Variants in LAP3 observed in about 807,000 individuals in gnomAD.
The protein encoded by LAP3 is leucine aminopeptidase 3, also known as cytosol aminopeptidase.
LAP3 carries 46 observed loss-of-function variants against 58.8 expected under a neutral mutation model. That is an observed-to-expected ratio of 0.78 (90% CI 0.62 to 1.00). The LOEUF (loss-of-function observed/expected upper bound fraction) is 1.00. LAP3 is among the 50% of genes least tolerant of loss of function. LAP3 has a pLI of 0.00. For missense variants in LAP3, 615 were observed against 659.1 expected, an observed-to-expected ratio of 0.93 and a Z score of 0.73; for synonymous variants, 257 against 237.7, an observed-to-expected ratio of 1.08 and a Z score of -0.75.
rs769189396 is a variant in LAP3 at position 17,584,938 on chromosome 4, T to G, written c.540-34T>G. ...GCAGGCAGTCAGCGTTCTTGAGAGGTTGTTTGACAGTCACTTTATCTTTCT... is the reference window on the plus strand; with the variant it reads ...GCAGGCAGTCAGCGTTCTTGAGAGGGTGTTTGACAGTCACTTTATCTTTCT... On this transcript the variant is annotated intron_variant, in intron 5 of 12. Transcript: ENST00000226299. 9.3e-6 allele frequency: 15 copies of G among 1,605,690 alleles called. No homozygotes were observed. The African/African-American group carries it at 1.7e-4, about 19-fold the overall frequency.
intron 7 of LAP3, among the ~76,000 whole-genome samples, chr4:17,589,303 C>T (rs374591984): frequency 1.8e-4 from 27 of 152,112 alleles, no homozygotes; most frequent in South Asian, 1.2e-3. Flanking sequence ...TCAAGTGATC[C>T]GCCCACCTCA....
Position 17,597,174 on chromosome 4 carries a change from C to T in LAP3, c.1077+40C>T, listed in dbSNP as rs753659786. 6 of 1,535,248 alleles carry T rather than the reference C, an allele frequency of 3.9e-6. No individual in the cohort carries two copies. In the South Asian group the frequency reaches 6.7e-5, roughly 17 times the overall value. ...GACACAGCACTCCCCATCCAGCGTT[C>T]CTCAGGAATCCCGTGGTGGCCACAT... is the stretch of plus-strand genomic sequence containing the variant. On this transcript the variant is annotated intron_variant, in intron 9 of 12. Transcript: ENST00000226299.
chr4:17,578,066 A>C (rs1713258291), intron 1 of LAP3, among the ~76,000 whole-genome samples: 1 of 152,264 alleles, frequency 6.6e-6, no homozygotes, highest in Admixed American at 6.5e-5. Context: ...GGAGAGACCC[A>C]CGTTTCCCAG....
At position 17,581,810 on chromosome 4, in the gene LAP3, A is replaced by T; in HGVS notation, c.269A>T (p.His90Leu). 1.2e-6 allele frequency: 2 copies of T among 1,613,246 alleles called. No individual in the cohort carries two copies. Among genetic ancestry groups the T allele is most frequent in the Non-Finnish European group, 1.7e-6 (2 of 1,179,196 alleles). Residue 90 changes from histidine (H) to leucine (L), a missense_variant, in exon 3 of 13, where the codon CAT becomes CTT. By Grantham distance (99) the His-to-Leu change is moderately conservative. Transcript: ENST00000226299. ...AAGACTCGAACCTTTTATGGTCTGC[A>T]TCAGGTATGAGAAGAACGTGATCAT... ...AGKTRTFYGLHQDFPSVVLVG... is the reference protein window; with the variant it reads ...AGKTRTFYGLLQDFPSVVLVG...
At chr4:17,584,912 G>A in intron 5 of LAP3, 60 bp from the exon 6 acceptor site, 1 of 1,523,504 alleles carries the variant, frequency 6.6e-7, no homozygotes, top group East Asian at 2.3e-5. Flanking sequence ...TCTCTTAGTT[G>A]GCAGGCAGTC....
At position 17,595,438 on chromosome 4, in the gene LAP3, A is replaced by T; in HGVS notation, c.892A>T (p.Asn298Tyr). ...TGGTATCTCCATCAAGGCTTCTGCA[A>T]ATATGGACCTCATGAGGGCTGACAT... Reference protein sequence around the residue: ...SGGISIKASANMDLMRADMGG... With the variant: ...SGGISIKASAYMDLMRADMGG... The change falls in exon 8 of 13, where the codon AAT becomes TAT. Residue 298 changes from asparagine (N) to tyrosine (Y), a missense_variant. Physicochemically the swap from Asn to Tyr is moderately radical, Grantham distance 143 (BLOSUM62 -2). Coordinates refer to ENST00000226299, the MANE Select transcript of LAP3 (RefSeq NM_015907.3). The T allele has an allele frequency of 1.9e-6, 3 of 1,613,940 alleles. No individual in the cohort carries two copies. The highest frequency in any genetic ancestry group is 2.5e-6 in the Non-Finnish European group (3 of 1,179,918).
intron 10 of LAP3, among the ~76,000 whole-genome samples, chr4:17,599,428 C>T (rs7657414): frequency 0.033 from 4,962 of 152,068 alleles, 253 homozygotes; most frequent in African/African-American, 0.11. Flanking sequence ...TCCAGCTACT[C>T]GGGAGGCTGA....
At chr4:17,591,947 A>T (rs544695272) in intron 7 of LAP3, among the ~76,000 whole-genome samples, 1 of 139,376 alleles carries the variant, frequency 7.2e-6, no homozygotes, top group East Asian at 2.3e-4. Context: ...GGCCAGCTCA[A>T]TGAGTTTTAA....
intron 11 of LAP3, among the ~76,000 whole-genome samples, chr4:17,605,650 AT>A (rs1400955228): frequency 7.8e-4 from 119 of 152,210 alleles, no homozygotes; most frequent in African/African-American, 2.5e-3. Context: ...ATATGTCATC[AT>A]TCACGAAGCC....
intron 10 of LAP3, among the ~76,000 whole-genome samples, chr4:17,602,178 C>T (rs1463475907): frequency 1.3e-5 from 2 of 152,104 alleles, no homozygotes; most frequent in African/African-American, 4.8e-5. Context: ...CAGTGCTTGT[C>T]CTGATACTGA....
chr4:17,603,169 T>G (rs1714021962), intron 10 of LAP3, among the ~76,000 whole-genome samples: 1 of 151,114 alleles, frequency 6.6e-6, no homozygotes, highest in Non-Finnish European at 1.5e-5. Flanking sequence ...ATTAACCAGG[T>G]GTGGTGGCAT....
At chr4:17,584,309 G>A (rs887750044) in intron 5 of LAP3, among the ~76,000 whole-genome samples, 1 of 152,210 alleles carries the variant, frequency 6.6e-6, no homozygotes, top group Non-Finnish European at 1.5e-5. Flanking sequence ...TTGTAATACC[G>A]ATTTCATGGG....
intron 11 of LAP3, among the ~76,000 whole-genome samples, 189 bp from the exon 12 acceptor site, chr4:17,606,640 C>G (rs893215410): frequency 1.3e-5 from 2 of 152,192 alleles, no homozygotes; most frequent in African/African-American, 4.8e-5. Flanking sequence ...CCCCAGCCTC[C>G]TGGTTTCTTT....
Position 17,585,073 on chromosome 4 carries a change from G to C in LAP3, c.641G>C (p.Arg214Thr), listed in dbSNP as rs189190228. 1 of 1,614,058 alleles carries C rather than the reference G, an allele frequency of 6.2e-7. No individual in the cohort carries two copies. The highest frequency in any genetic ancestry group is 1.7e-5 in the Admixed American group (1 of 60,002). ...ETPANEMTPT[R>T]FAEIIEKNLK... ...CCAGCCAATGAGATGACGCCAACCA[G>C]ATTTGCTGAAATTATTGAGAAGAAT... The change falls in exon 6 of 13, where the codon AGA becomes ACA. Residue 214 changes from arginine (R) to threonine (T), a missense_variant. Physicochemically the swap from Arg to Thr is moderately conservative, Grantham distance 71. Coordinates refer to ENST00000226299, the MANE Select transcript of LAP3 (RefSeq NM_015907.3).
Position 17,577,359 on chromosome 4 carries a change from GT to G in LAP3, c.-106del. The G allele has an allele frequency of 1.3e-6, 1 of 793,000 alleles. No homozygotes were observed. The highest frequency in any genetic ancestry group is 2.1e-5 in the South Asian group (1 of 47,972). 49.1% of individuals were successfully genotyped at this position (793,000 alleles called of 1,614,324 possible). A position where few individuals can be genotyped will look rare whatever the true frequency, so the allele number is the denominator to read the frequency against. On this transcript the variant is annotated 5_prime_UTR_variant, in exon 1 of 13. Transcript: ENST00000226299. ...GTCCGCTCGCCCGGCGCCCGAGCCA[GT>G]CCGCGCGCACGCCGTCTGCGCCCCG...
intron 2 of LAP3, 141 bp from the exon 3 acceptor site, chr4:17,581,619 G>A: frequency 1.6e-6 from 1 of 620,044 alleles, no homozygotes; most frequent in Non-Finnish European, 2.9e-6. Context: ...AGAGCATTCT[G>A]TATTTGGATA....
intron 10 of LAP3, among the ~76,000 whole-genome samples, chr4:17,603,124 G>C (rs1375482407): frequency 6.6e-6 from 1 of 151,558 alleles, no homozygotes; most frequent in Non-Finnish European, 1.5e-5. Context: ...TGGCTAACAC[G>C]GTGAAACCCC....
chr4:17,597,107 TAGAGCCAAAAACGGGA>T lies in LAP3; in HGVS notation c.1054_1069del (p.Ala352ProfsTer36). On this transcript the variant is annotated frameshift_variant, in exon 9 of 13. Coordinates refer to ENST00000226299, the MANE Select transcript of LAP3 (RefSeq NM_015907.3). LOFTEE classifies it high-confidence loss of function. ...AGGCCAACAAGCCGGGGGATGTTGT[TAGAGCCAAAAACGGGA>T]AGACCATCCAGGTTTGTAAATGTGA... The T allele has an allele frequency of 6.2e-7, 1 of 1,614,210 alleles. No homozygotes were observed. The highest frequency in any genetic ancestry group is 8.5e-7 in the Non-Finnish European group (1 of 1,180,036).
At chr4:17,605,989 C>T (rs1325657937) in intron 11 of LAP3, among the ~76,000 whole-genome samples, 2 of 152,094 alleles carry the variant, frequency 1.3e-5, no homozygotes, top group Admixed American at 1.3e-4. Flanking sequence ...TGATTTTTTA[C>T]CAGTGAGTTA....
Sources: gnomAD v4.1 joint callset for allele counts (sites outside exome capture counted in the v4.1 genomes callset) on GRCh38, gnomAD v4.1.1 for gene constraint, MANE v1.5 for transcripts, NCBI Gene and HGNC (gene_info 2026-07-23, HGNC 2026-07-21) for gene names.